PTX3: variants seen among roughly 807,000 people sequenced by gnomAD.
The protein encoded by PTX3 is pentraxin 3, also known as pentraxin-related protein PTX3.
Under a neutral mutation model 23.5 loss-of-function variants are expected in PTX3, and 24 were observed. That is an observed-to-expected ratio of 1.02 (90% CI 0.74 to 1.43). The LOEUF (loss-of-function observed/expected upper bound fraction) is 1.43, where lower values mean the gene tolerates loss of function less well. PTX3 is among the 40% of genes most tolerant of loss of function. The pLI is 0.00. For missense variants in PTX3, 510 were observed against 497.5 expected, an observed-to-expected ratio of 1.02 and a Z score of -0.24; for synonymous variants, 218 against 205.4, an observed-to-expected ratio of 1.06 and a Z score of -0.53.
Position 157,442,590 on chromosome 3 carries a change from G to A in PTX3, c.757G>A (p.Glu253Lys), listed in dbSNP as rs781518867. Residue 253 changes from glutamate (E) to lysine (K), a missense_variant, in exon 3 of 3, where the codon GAG becomes AAG. Transcript: ENST00000295927. The stretch of plus-strand genomic sequence containing the variant: ...CATAGTGTTTGTGGTGGGTGGAGAG[G>A]AGAACAAACTGGTTGCTGAAGCCAT... Reference protein sequence around the residue: ...QSIVFVVGGEENKLVAEAMVS... With the variant: ...QSIVFVVGGEKNKLVAEAMVS... 1 of 1,614,216 alleles carries A rather than the reference G, an allele frequency of 6.2e-7. No homozygotes were observed. The highest frequency in any genetic ancestry group is 2.2e-5 in the East Asian group (1 of 44,886).
chr3:157,442,448 G>GA lies in PTX3; in HGVS notation c.615_616insA (p.Ser206IlefsTer3). 2.5e-6 allele frequency: 4 copies of GA among 1,614,196 alleles called. No homozygotes were observed. The highest frequency in any genetic ancestry group is 3.4e-6 in the Non-Finnish European group (4 of 1,180,044). On this transcript the variant is annotated frameshift_variant, in exon 3 of 3. Transcript: ENST00000295927. LOFTEE classifies it high-confidence loss of function. Reference sequence around the variant, plus strand: ...ATCCAGTGAGACCAATGAGGCTTGAGTCTTTTAGTGCCTGCATTTGGGTCA... The same window carrying GA: ...ATCCAGTGAGACCAATGAGGCTTGAGATCTTTTAGTGCCTGCATTTGGGTCA...
In PTX3 at chr3:157,436,973, G is replaced by T; in HGVS notation, c.40G>T (p.Ala14Ser). The change falls in exon 1 of 3, where the codon GCA becomes TCA. Residue 14 changes from alanine (A) to serine (S), a missense_variant. Ala to Ser is a moderately conservative substitution (Grantham distance 99, BLOSUM62 1). Transcript: ENST00000295927. The stretch of plus-strand genomic sequence containing the variant: ...GATTCTGTTTTGTGCTCTCTGGTCT[G>T]CAGTGTTGGCCGAGAACTCGGATGA... ...LAILFCALWS[A>S]VLAENSDDYD... 6.2e-7 allele frequency: 1 copy of T among 1,614,032 alleles called. No homozygotes were observed. The highest frequency in any genetic ancestry group is 1.1e-5 in the South Asian group (1 of 91,078).
chr3:157,438,065 A>T, intron 2 of PTX3, 151 bp downstream of exon 2: 1 of 742,358 alleles, frequency 1.3e-6, no homozygotes, highest in Non-Finnish European at 2.1e-6. Context: ...ACACACACAC[A>T]CACACACCCC....
Position 157,442,769 on chromosome 3 carries a change from A to G in PTX3, c.936A>G (p.Gln312=), listed in dbSNP as rs3749295. The part of the protein sequence containing the change: ...VPEGGILQIG[Q]EKNGCCVGGG... Reference sequence around the variant, plus strand: ...AGGGAGGAATCCTGCAGATTGGCCAAGAAAAGAATGGCTGCTGTGTGGGTG... The same window carrying G: ...AGGGAGGAATCCTGCAGATTGGCCAGGAAAAGAATGGCTGCTGTGTGGGTG... Residue 312 remains glutamine, a synonymous_variant, in exon 3 of 3, where the codon CAA becomes CAG. Transcript: ENST00000295927. 41 of 1,614,252 alleles carry G rather than the reference A, an allele frequency of 2.5e-5. No homozygotes were observed. The East Asian group carries it at 8.7e-4, about 34-fold the overall frequency.
chr3:157,437,509 C>G lies in PTX3; in HGVS notation c.131-4C>G. 4.4e-6 allele frequency: 7 copies of G among 1,602,462 alleles called. No homozygotes were observed. Among genetic ancestry groups the G allele is most frequent in the Non-Finnish European group, 8.5e-7 (1 of 1,176,224 alleles). On this transcript the variant is annotated splice_polypyrimidine_tract_variant and splice_region_variant and intron_variant, in intron 1 of 2. Coordinates refer to ENST00000295927, the MANE Select transcript of PTX3 (RefSeq NM_002852.4). ...TGCTAACGTGTGTGTATCCCGTACT[C>G]TAGCCACGCCGTGCGCCTGCGGTCA...
rs1001299836 is a variant in PTX3 at position 157,437,819 on chromosome 3, G to T, written c.437G>T (p.Gly146Val). 83 of 1,464,374 alleles carry T rather than the reference G, an allele frequency of 5.7e-5. No homozygotes were observed. The highest frequency in any genetic ancestry group is 6.9e-5 in the Non-Finnish European group (77 of 1,121,736). 90.7% of individuals were successfully genotyped at this position (1,464,374 alleles called of 1,614,324 possible). Residue 146 changes from glycine (G) to valine (V), a missense_variant, in exon 2 of 3, where the codon GGG becomes GTG. Coordinates refer to ENST00000295927, the MANE Select transcript of PTX3 (RefSeq NM_002852.4). ...GAGGCGCAGCGCCCAGAGGAGGCGG[G>T]GCGCGCCCTGGCCGCGGTGCTAGAG... ...GAEAQRPEEAGRALAAVLEEL... is the reference protein window; with the variant it reads ...GAEAQRPEEAVRALAAVLEEL...
At chr3:157,439,746 A>G (rs965566980) in intron 2 of PTX3, among the ~76,000 whole-genome samples, 2 of 152,038 alleles carry the variant, frequency 1.3e-5, no homozygotes, top group South Asian at 2.1e-4. Context: ...CCTCTTGAAC[A>G]CTACTTTTTT....
chr3:157,442,362 C>G lies in PTX3; in HGVS notation c.533-4C>G. ...ATATTCTTCTTATTTTCTTGCTACT[C>G]TAGGTTGTGAAACAGCTATTTTATT... On this transcript the variant is annotated splice_region_variant and splice_polypyrimidine_tract_variant and intron_variant, in intron 2 of 2. Coordinates refer to ENST00000295927, the MANE Select transcript of PTX3 (RefSeq NM_002852.4). 1.9e-6 allele frequency: 3 copies of G among 1,599,416 alleles called. No homozygotes were observed. The highest frequency in any genetic ancestry group is 2.7e-5 in the African/African-American group (2 of 74,606).
At chr3:157,440,093 AT>A (rs1293757385) in intron 2 of PTX3, among the ~76,000 whole-genome samples, 2 of 152,128 alleles carry the variant, frequency 1.3e-5, no homozygotes, top group Non-Finnish European at 2.9e-5. Flanking sequence ...GGATATGGTG[AT>A]TTTTTTCAGT....
intron 2 of PTX3, among the ~76,000 whole-genome samples, chr3:157,438,991 A>G (rs1484255444): frequency 1.3e-5 from 2 of 152,186 alleles, no homozygotes; most frequent in Non-Finnish European, 2.9e-5. Flanking sequence ...AAAGTTAAAG[A>G]ATTTTATGTA....
In PTX3 at chr3:157,437,801, A is replaced by G. The variant is rs895901026; in HGVS notation, c.419A>G (p.Gln140Arg). ...RLARMEGAEA[Q>R]RPEEAGRALA... ...GCGCGTATGGAGGGCGCGGAGGCGCAGCGCCCAGAGGAGGCGGGGCGCGCC... is the reference window on the plus strand; with the variant it reads ...GCGCGTATGGAGGGCGCGGAGGCGCGGCGCCCAGAGGAGGCGGGGCGCGCC... The change falls in exon 2 of 3, where the codon CAG becomes CGG. Residue 140 changes from glutamine to arginine, a missense_variant. Transcript: ENST00000295927. 6 of 1,462,394 alleles carry G rather than the reference A, an allele frequency of 4.1e-6. No homozygotes were observed. Among genetic ancestry groups the G allele is most frequent in the East Asian group, 5.6e-5 (2 of 35,468 alleles). The allele number at this position is 1,462,394 out of a possible 1,614,324, so 90.6% of individuals were successfully genotyped here.
chr3:157,440,877 G>A (rs1439437838), intron 2 of PTX3, among the ~76,000 whole-genome samples: 5 of 152,220 alleles, frequency 3.3e-5, no homozygotes, highest in Middle Eastern at 3.4e-3. Context: ...GCAGAAACAT[G>A]TTCTCCAACC....
chr3:157,441,502 T>C (rs764356476), intron 2 of PTX3, among the ~76,000 whole-genome samples: 1 of 152,092 alleles, frequency 6.6e-6, no homozygotes, highest in Admixed American at 6.5e-5. Flanking sequence ...TCTGAGAACA[T>C]TTGGTGTATT....
At chr3:157,440,610 T>TTATATACATATATGTATGTATACA (rs1192975945) in intron 2 of PTX3, among the ~76,000 whole-genome samples, 2 of 152,014 alleles carry the variant, frequency 1.3e-5, no homozygotes, top group Non-Finnish European at 2.9e-5. Flanking sequence ...ACACACACAT[T>TTATATACATATATGTATGTATACA]TATATACATA....
chr3:157,438,030 C>CGG, intron 2 of PTX3, 116 bp downstream of exon 2: 1 of 817,920 alleles, frequency 1.2e-6, no homozygotes, highest in Non-Finnish European at 1.8e-6. Context: ...AGCGCGCGCG[C>CGG]GCGCGCGCAC....
At chr3:157,438,553 G>T (rs1321461224) in intron 2 of PTX3, among the ~76,000 whole-genome samples, 1 of 152,140 alleles carries the variant, frequency 6.6e-6, no homozygotes. Context: ...AGGGGAGGTC[G>T]GAGGGTGTGC....
rs1000074101 is a variant in PTX3, at chr3:157,437,519, C to A, written c.137C>A (p.Pro46Gln). 8 of 1,605,124 alleles carry A rather than the reference C, an allele frequency of 5.0e-6. No homozygotes were observed. The highest frequency in any genetic ancestry group is 6.8e-6 in the Non-Finnish European group (8 of 1,177,350). ...NGLHPTEDPT[P>Q]CACGQEHSEW... is the part of the protein sequence containing the mutation. ...TGTGTATCCCGTACTCTAGCCACGCCGTGCGCCTGCGGTCAGGAGCACTCG... is the reference window on the plus strand; with the variant it reads ...TGTGTATCCCGTACTCTAGCCACGCAGTGCGCCTGCGGTCAGGAGCACTCG... The change falls in exon 2 of 3, where the codon CCG becomes CAG. Residue 46 changes from proline to glutamine, a missense_variant. Physicochemically the swap from Pro to Gln is moderately conservative, Grantham distance 76. Coordinates refer to ENST00000295927, the MANE Select transcript of PTX3 (RefSeq NM_002852.4).
At chr3:157,438,046 C>T in intron 2 of PTX3, 132 bp downstream of exon 2, 1 of 708,296 alleles carries the variant, frequency 1.4e-6, no homozygotes, top group Non-Finnish European at 2.2e-6. Flanking sequence ...CGCACACACA[C>T]ACACACACAC....
At chr3:157,437,482 G>A (rs1454867573) in intron 1 of PTX3, 31 bp from the exon 2 acceptor site, 1 of 1,584,944 alleles carries the variant, frequency 6.3e-7, no homozygotes, top group East Asian at 2.3e-5. Flanking sequence ...GCCTGGGCGG[G>A]CTGCTAACGT....
Sources: gnomAD v4.1 joint callset for allele counts (sites outside exome capture counted in the v4.1 genomes callset) on GRCh38, gnomAD v4.1.1 for gene constraint, MANE v1.5 for transcripts, NCBI Gene and HGNC (gene_info 2026-07-23, HGNC 2026-07-21) for gene names.